OPHN1: variants seen among roughly 807,000 people sequenced by gnomAD.
OPHN1 encodes oligophrenin 1.
In OPHN1, 11 loss-of-function variants were observed where a neutral mutation model predicts 60.7. The ratio of observed to expected loss-of-function variants is 0.18; its 90% CI spans 0.11 to 0.30. The LOEUF (loss-of-function observed/expected upper bound fraction) is 0.30, where lower values mean the gene tolerates loss of function less well. OPHN1 is among the 10% of genes least tolerant of loss of function. The probability of loss-of-function intolerance (pLI) is 1.00; values close to 1 mark genes in which losing one functional copy is unlikely to be tolerated. For missense variants in OPHN1, 449 were observed against 611.0 expected (o/e 0.73, Z 2.80); for synonymous variants, 226 against 222.6 (o/e 1.02, Z -0.14).
intron 2 of OPHN1, among the ~76,000 whole-genome samples, chrX:68,379,775 G>T (rs2078584399): frequency 9.8e-6 from 1 of 102,050 alleles, no homozygotes; most frequent in South Asian, 4.2e-4. Context: ...TCCCAGGGAT[G>T]AAGCCCACTT....
intron 2 of OPHN1, among the ~76,000 whole-genome samples, chrX:68,403,431 T>C (rs143377178): frequency 1.4e-4 from 16 of 111,950 alleles, no homozygotes; most frequent in African/African-American, 2.9e-4. Flanking sequence ...TAGTGTTAAT[T>C]ACTACTGAAA....
chrX:68,139,851 G>T (rs962884253), intron 15 of OPHN1, among the ~76,000 whole-genome samples: 34 of 111,957 alleles, frequency 3.0e-4, no homozygotes, highest in Non-Finnish European at 5.6e-4. Context: ...ACAGGTAGGG[G>T]ACTAAGAAAA....
intron 5 of OPHN1, among the ~76,000 whole-genome samples, chrX:68,257,527 G>T (rs2077870007): frequency 9.0e-6 from 1 of 110,943 alleles, no homozygotes; most frequent in Non-Finnish European, 1.9e-5. Flanking sequence ...TCTTCACAGG[G>T]TACTGTAAAA....
At chrX:68,196,835 A>G (rs751437958) in intron 12 of OPHN1, among the ~76,000 whole-genome samples, 4 of 112,218 alleles carry the variant, frequency 3.6e-5, no homozygotes, top group African/African-American at 6.5e-5. Flanking sequence ...AACACATATT[A>G]ATTAATTAAC....
intron 16 of OPHN1, among the ~76,000 whole-genome samples, chrX:68,116,340 T>C (rs1339283773): frequency 1.8e-5 from 2 of 111,838 alleles, no homozygotes; most frequent in Non-Finnish European, 3.8e-5. Context: ...TATTTTGGGA[T>C]AAAACATTTT....
At position 68,405,393 on chromosome X, in the gene OPHN1, G is replaced by A. The variant is rs534763196; in HGVS notation, c.154+27474C>T. ...TTTTTTAGAGCGGAGGTCTCACTATGCTGCCCAGGCTGGTCTCAAACTTCT... is the reference window on the plus strand; with the variant it reads ...TTTTTTAGAGCGGAGGTCTCACTATACTGCCCAGGCTGGTCTCAAACTTCT... On this transcript the variant is annotated intron_variant, in intron 2 of 24. Coordinates refer to ENST00000355520, the MANE Select transcript of OPHN1 (RefSeq NM_002547.3). Among the ~76,000 whole-genome samples the A allele has an allele frequency of 4.5e-4, 50 of 111,706 alleles. No homozygotes were observed. The South Asian group carries it at 0.018, about 41-fold the overall frequency.
At chrX:68,194,037 A>C in intron 13 of OPHN1, 85 bp from the exon 14 acceptor site, 1 of 811,909 alleles carries the variant, frequency 1.2e-6, no homozygotes, top group Non-Finnish European at 1.9e-6. Flanking sequence ...AAGGGACTGC[A>C]TTGAGAGAGC....
chrX:68,317,583 AAGAAAGAG>A (rs1205853198), intron 2 of OPHN1, among the ~76,000 whole-genome samples: 11 of 98,235 alleles, frequency 1.1e-4, no homozygotes, highest in Admixed American at 2.2e-4. Context: ...AAGAGAAAGA[AAGAAAGAG>A]AGAGAAAGAA....
In OPHN1 at chrX:68,213,951, C is replaced by T. The variant is rs1162179843; in HGVS notation, c.508G>A (p.Glu170Lys). 8.5e-7 allele frequency: 1 copy of T among 1,181,344 alleles called. No individual in the cohort carries two copies. Among genetic ancestry groups the T allele is most frequent in the Non-Finnish European group, 1.2e-6 (1 of 869,360 alleles). Residue 170 changes from glutamate (E) to lysine (K), a missense_variant, in exon 7 of 25, where the codon GAG becomes AAG. Coordinates refer to ENST00000355520, the MANE Select transcript of OPHN1 (RefSeq NM_002547.3). ...LQEADLQVDKERHNFFESSLD... is the reference protein window; with the variant it reads ...LQEADLQVDKKRHNFFESSLD... ...GAGGACTCGAAAAAATTGTGCCTCT[C>T]CTTGTCCACCTGTAGGTCTGCCTGT...
chrX:68,285,344 C>T (rs73532172), intron 3 of OPHN1, among the ~76,000 whole-genome samples: 7,085 of 111,456 alleles, frequency 0.064, 211 homozygotes, highest in African/African-American at 0.11. Context: ...TCTTTTTTAA[C>T]ATAGGAATTT....
intron 15 of OPHN1, among the ~76,000 whole-genome samples, chrX:68,140,641 C>T (rs2077238516): frequency 9.1e-6 from 1 of 110,264 alleles, no homozygotes; most frequent in African/African-American, 3.3e-5. Context: ...AAACCTCACC[C>T]TCAAGCCTGG....
chrX:68,167,078 A>G (rs1263796498), intron 15 of OPHN1, among the ~76,000 whole-genome samples: 1 of 112,057 alleles, frequency 8.9e-6, no homozygotes, highest in Non-Finnish European at 1.9e-5. Context: ...GGAAACAATC[A>G]ACAAAGCAAA....
chrX:68,060,439 A>G (rs762785591), intron 21 of OPHN1, among the ~76,000 whole-genome samples: 15 of 111,452 alleles, frequency 1.3e-4, no homozygotes, highest in Non-Finnish European at 2.6e-4. Context: ...ATACCTCACA[A>G]GGCCTATCAC....
At chrX:68,102,521 G>C (rs1209793694) in intron 18 of OPHN1, among the ~76,000 whole-genome samples, 6 of 110,551 alleles carry the variant, frequency 5.4e-5, no homozygotes, top group African/African-American at 1.3e-4. Flanking sequence ...AAATAACTAA[G>C]ATCAGAGCAG....
chrX:68,288,581 C>T (rs1021499473), intron 3 of OPHN1, among the ~76,000 whole-genome samples: 2 of 110,370 alleles, frequency 1.8e-5, no homozygotes, highest in Admixed American at 9.7e-5. Flanking sequence ...TGGCCAACAT[C>T]GTGAGACCCC....
intron 5 of OPHN1, among the ~76,000 whole-genome samples, chrX:68,237,410 T>C (rs1254872611): frequency 3.6e-5 from 4 of 112,467 alleles, no homozygotes; most frequent in Admixed American, 9.4e-5. Flanking sequence ...GGAATTCTGA[T>C]AGGGCTTGCA....
chrX:68,181,217 G>A (rs1266309642), intron 15 of OPHN1, among the ~76,000 whole-genome samples: 3 of 110,724 alleles, frequency 2.7e-5, no homozygotes, highest in Non-Finnish European at 5.7e-5. Context: ...TGGCCTGTTC[G>A]AATCATTATT....
At chrX:68,200,818 T>C (rs1045063463) in intron 11 of OPHN1, among the ~76,000 whole-genome samples, 2 of 111,885 alleles carry the variant, frequency 1.8e-5, no homozygotes, top group Non-Finnish European at 3.8e-5. Flanking sequence ...TCTGATCATT[T>C]TGCAAAATTC....
At chrX:68,319,898 T>A (rs777562143) in intron 2 of OPHN1, among the ~76,000 whole-genome samples, 1 of 110,562 alleles carries the variant, frequency 9.0e-6, no homozygotes, top group Non-Finnish European at 1.9e-5. Context: ...TAAAATTCTT[T>A]ATACATATAA....
Sources: gnomAD v4.1 joint callset for allele counts (sites outside exome capture counted in the v4.1 genomes callset) on GRCh38, gnomAD v4.1.1 for gene constraint, MANE v1.5 for transcripts, NCBI Gene and HGNC (gene_info 2026-07-23, HGNC 2026-07-21) for gene names.